Variants in PLEKHA6 observed in about 807,000 individuals in gnomAD.
The protein encoded by PLEKHA6 is pleckstrin homology domain-containing family A member 6.
PLEKHA6 carries 60 observed loss-of-function variants against 116.7 expected under a neutral mutation model. That is an observed-to-expected ratio of 0.51 (90% CI 0.42 to 0.64). The LOEUF is 0.64. PLEKHA6 is among the 30% of genes least tolerant of loss of function. The probability of loss-of-function intolerance (pLI) is 0.00; values close to 1 mark genes in which losing one functional copy is unlikely to be tolerated. For synonymous variants in PLEKHA6, 489 were observed against 556.1 expected (o/e 0.88, Z 1.70); for missense variants, 1,338 against 1,422.7 (o/e 0.94, Z 0.96).
At position 204,228,606 on chromosome 1, in the gene PLEKHA6, G is replaced by T; in HGVS notation, c.2885+122C>A. Reference sequence around the variant, plus strand: ...GTAGCTGGGCCCTGTCTGCTGCCTGGAGTCACCACCTCGATGTGCTCTCCC... The same window carrying T: ...GTAGCTGGGCCCTGTCTGCTGCCTGTAGTCACCACCTCGATGTGCTCTCCC... On this transcript the variant is annotated intron_variant, in intron 20 of 22. Transcript: ENST00000272203. This position sits in a 1 kb window ranked among gnomAD's most constrained non-coding sequence, Gnocchi z 4.0. 1 of 880,526 alleles carries T rather than the reference G, an allele frequency of 1.1e-6. No individual in the cohort carries two copies. Among genetic ancestry groups the T allele is most frequent in the Non-Finnish European group, 1.8e-6 (1 of 546,868 alleles). The allele number at this position is 880,526 out of a possible 1,614,324, so 54.5% of individuals were successfully genotyped here. A position where few individuals can be genotyped will look rare whatever the true frequency, so the allele number is the denominator to read the frequency against.
intron 1 of PLEKHA6, among the ~76,000 whole-genome samples, chr1:204,342,995 G>A (rs1313598533): frequency 2.6e-5 from 4 of 152,212 alleles, no homozygotes; most frequent in Admixed American, 6.5e-5. Flanking sequence ...GTTCATGTGT[G>A]TTTGGAACCA....
chr1:204,240,711 G>T (rs1310699228), intron 17 of PLEKHA6, among the ~76,000 whole-genome samples: 1 of 152,194 alleles, frequency 6.6e-6, no homozygotes, highest in Non-Finnish European at 1.5e-5. Context: ...CTCAGGAGAT[G>T]TGTATGGGTT....
At chr1:204,241,924 A>G (rs1662879367) in intron 15 of PLEKHA6, 110 bp from the exon 16 acceptor site, 2 of 1,171,494 alleles carry the variant, frequency 1.7e-6, no homozygotes, top group Admixed American at 3.7e-5. Context: ...CCTTGCAGAT[A>G]CAAGGAACAA....
chr1:204,250,296 C>T (rs543258644), intron 10 of PLEKHA6, among the ~76,000 whole-genome samples: 1 of 152,316 alleles, frequency 6.6e-6, no homozygotes, highest in South Asian at 2.1e-4. Context: ...GAAATGGATA[C>T]AGCCAGCATG....
At chr1:204,371,653 C>G (rs972108362) in intron 1 of PLEKHA6, 2 of 152,248 alleles carry the variant, frequency 1.3e-5, no homozygotes, top group South Asian at 4.1e-4. Context: ...AGAGGCTTTT[C>G]TGAGCAGGAC....
chr1:204,316,131 G>A (rs4628569), intron 1 of PLEKHA6, among the ~76,000 whole-genome samples: 76,966 of 152,024 alleles, frequency 0.51, 20,050 homozygotes, highest in Middle Eastern at 0.62. Flanking sequence ...ATATTTTCTC[G>A]TTGATCAATG....
At chr1:204,360,028 C>T (rs1243099650), upstream of PLEKHA6, 3 of 152,310 alleles carry the variant, frequency 2.0e-5, no homozygotes, top group East Asian at 1.9e-4. Context: ...GTAAATAGTC[C>T]CCGAAAAGGT....
intron 9 of PLEKHA6, among the ~76,000 whole-genome samples, chr1:204,254,291 T>G (rs1664975371): frequency 2.6e-5 from 4 of 152,242 alleles, no homozygotes; most frequent in Admixed American, 1.3e-4. Context: ...CCAGGAGCCA[T>G]CCCTGTTTAT....
At chr1:204,249,022 G>A in intron 11 of PLEKHA6, 52 bp from the exon 12 acceptor site, 1 of 1,594,180 alleles carries the variant, frequency 6.3e-7, no homozygotes, top group Non-Finnish European at 8.6e-7. Context: ...TCCTCTCTGG[G>A]ATTGAACAGC....
At chr1:204,296,653 A>G (rs1446416871) in intron 1 of PLEKHA6, among the ~76,000 whole-genome samples, 1 of 152,200 alleles carries the variant, frequency 6.6e-6, no homozygotes, top group Non-Finnish European at 1.5e-5. Context: ...GGCTGGCTGC[A>G]GACGTGCTCT....
At position 204,273,586 on chromosome 1, in the gene PLEKHA6, C is replaced by T. The variant is rs75678543; in HGVS notation, c.102+40G>A. 1.9e-4 allele frequency: 255 copies of T among 1,326,534 alleles called. 1 individual carries two copies. The African/African-American group carries it at 2.4e-3, about 12-fold the overall frequency. The allele number at this position is 1,326,534 out of a possible 1,614,324, so 82.2% of individuals were successfully genotyped here. ...GATCCCACTAAACATGCACTGAAGA[C>T]GTTTCCAGCCCAACAGCTTGCCTTG... On this transcript the variant is annotated intron_variant, in intron 3 of 22. Coordinates refer to ENST00000272203, the MANE Select transcript of PLEKHA6 (RefSeq NM_014935.5).
chr1:204,258,218 T>C (rs965093458), intron 8 of PLEKHA6, among the ~76,000 whole-genome samples: 1 of 152,170 alleles, frequency 6.6e-6, no homozygotes, highest in Non-Finnish European at 1.5e-5. Flanking sequence ...ACCAGGCACC[T>C]GAAGGAGGGC....
chr1:204,284,733 C>T (rs895304417), intron 1 of PLEKHA6, among the ~76,000 whole-genome samples: 1 of 151,852 alleles, frequency 6.6e-6, no homozygotes, highest in Non-Finnish European at 1.5e-5. Context: ...GTGGATTGTC[C>T]TTAAGGAAAA....
At chr1:204,284,415 A>G (rs879661977) in intron 1 of PLEKHA6, among the ~76,000 whole-genome samples, 2 of 152,124 alleles carry the variant, frequency 1.3e-5, no homozygotes, top group Non-Finnish European at 2.9e-5. Context: ...GAAATTATGA[A>G]CACCTCCTTT....
At position 204,223,286 on chromosome 1, in the gene PLEKHA6, G is replaced by A. The variant is rs1659869584; in HGVS notation, c.*8+176C>T. Among the ~76,000 whole-genome samples, 1 of 152,138 alleles carries A rather than the reference G, an allele frequency of 6.6e-6. No homozygotes were observed. The highest frequency in any genetic ancestry group is 1.5e-5 in the Non-Finnish European group (1 of 68,024). On this transcript the variant is annotated intron_variant, in intron 22 of 22. Coordinates refer to ENST00000272203, the MANE Select transcript of PLEKHA6 (RefSeq NM_014935.5). The surrounding 1 kb of genome is among the most constrained non-coding windows in gnomAD (Gnocchi z 4.8). ...AGCTGGCTCCAGCCCAGCACTGCGTGGGGAAGCTGGATGGACGGATGGATG... is the reference window on the plus strand; with the variant it reads ...AGCTGGCTCCAGCCCAGCACTGCGTAGGGAAGCTGGATGGACGGATGGATG...
At chr1:204,351,221 C>T (rs572327782) in intron 1 of PLEKHA6, among the ~76,000 whole-genome samples, 30 of 152,170 alleles carry the variant, frequency 2.0e-4, no homozygotes, top group Admixed American at 1.5e-3. Context: ...AGGTGGCCTA[C>T]GTGCCTGAGA....
chr1:204,276,585 C>T (rs1668029830), intron 1 of PLEKHA6, among the ~76,000 whole-genome samples: 2 of 151,970 alleles, frequency 1.3e-5, no homozygotes, highest in South Asian at 4.2e-4. Context: ...TCCTTCTGCT[C>T]TGTGTGTTCC....
At chr1:204,252,341 G>A (rs939271781) in intron 9 of PLEKHA6, among the ~76,000 whole-genome samples, 1 of 151,760 alleles carries the variant, frequency 6.6e-6, no homozygotes, top group Non-Finnish European at 1.5e-5. Context: ...GAAGGGATGG[G>A]ATGAGGAGGA....
chr1:204,243,182 C>T (rs1474323125), intron 15 of PLEKHA6: 6 of 399,228 alleles, frequency 1.5e-5, no homozygotes, highest in African/African-American at 8.2e-5. Flanking sequence ...AAGCGGCTCT[C>T]GCTAGGGAGT....
Sources: gnomAD v4.1 joint callset for allele counts (sites outside exome capture counted in the v4.1 genomes callset) on GRCh38, gnomAD v4.1.1 for gene constraint, Gnocchi (gnomAD v3.1) non-coding constraint, MANE v1.5 for transcripts, NCBI Gene and HGNC (gene_info 2026-07-23, HGNC 2026-07-21) for gene names.